NEMP2: variants seen among roughly 807,000 people sequenced by gnomAD.
NEMP2 encodes the protein nuclear envelope integral membrane protein 2.
Under a neutral mutation model 54.2 loss-of-function variants are expected in NEMP2, and 53 were observed. The ratio of observed to expected loss-of-function variants is 0.98; its 90% CI spans 0.78 to 1.23. The LOEUF (loss-of-function observed/expected upper bound fraction) is 1.23. NEMP2 is among the 50% of genes most tolerant of loss of function. NEMP2 has a pLI of 0.00. For synonymous variants in NEMP2, 197 were observed against 190.3 expected (o/e 1.04, Z -0.29); for missense variants, 455 against 511.3 (o/e 0.89, Z 1.06).
chr2:190,463,759 G>A, the NEMP2 span: 2 of 469,844 alleles, frequency 4.3e-6, no homozygotes, highest in Non-Finnish European at 5.6e-6. This position sits in a 1 kb window ranked among gnomAD's most constrained non-coding sequence, Gnocchi z 4.4. Flanking sequence ...GGTCAAGGCT[G>A]CATTGAGCTG....
At chr2:190,492,017 C>G in the NEMP2 span, among the ~76,000 whole-genome samples, 173 of 152,264 alleles carry the variant, frequency 1.1e-3, no homozygotes, top group African/African-American at 3.9e-3. The surrounding 1 kb of genome is among the most constrained non-coding windows in gnomAD (Gnocchi z 5.2). Context: ...GCAAAATGTT[C>G]TGGAAAGTCT....
At chr2:190,488,709 C>T in the NEMP2 span, 8 of 1,604,836 alleles carry the variant, frequency 5.0e-6, no homozygotes, top group African/African-American at 4.0e-5. This position sits in a 1 kb window ranked among gnomAD's most constrained non-coding sequence, Gnocchi z 6.4. Context: ...TCAGTGCAGC[C>T]GTTCCCCCTG....
At chr2:190,464,362 G>A in the NEMP2 span, among the ~76,000 whole-genome samples, 1 of 152,112 alleles carries the variant, frequency 6.6e-6, no homozygotes, top group Non-Finnish European at 1.5e-5. Context: ...GGGGTTCTCT[G>A]GTGGTGCTGC....
the NEMP2 span, among the ~76,000 whole-genome samples, chr2:190,588,639 A>G: frequency 6.6e-6 from 1 of 152,176 alleles, no homozygotes; most frequent in African/African-American, 2.4e-5. This position sits in a 1 kb window ranked among gnomAD's most constrained non-coding sequence, Gnocchi z 5.0. Context: ...GGCCAATTCA[A>G]TGTGCTGTTA....
chr2:190,589,766 C>A, the NEMP2 span, among the ~76,000 whole-genome samples: 1 of 152,188 alleles, frequency 6.6e-6, no homozygotes, highest in Non-Finnish European at 1.5e-5. The surrounding 1 kb of genome is among the most constrained non-coding windows in gnomAD (Gnocchi z 4.3). Flanking sequence ...CCAATGCTAT[C>A]CTTGAAGAAC....
At chr2:190,516,197 A>G in intron 6 of NEMP2, 73 bp downstream of exon 6, 4 of 1,019,922 alleles carry the variant, frequency 3.9e-6, no homozygotes, top group Admixed American at 5.4e-5. Context: ...AGAAACATCT[A>G]TCAAAAGAAG....
At chr2:190,545,151 TTTTCAGTTAG>T in the NEMP2 span, among the ~76,000 whole-genome samples, 1 of 152,064 alleles carries the variant, frequency 6.6e-6, no homozygotes, top group African/African-American at 2.4e-5. Context: ...AAAGATTTAT[TTTTCAGTTAG>T]TAGGTTTAGG....
the NEMP2 span, among the ~76,000 whole-genome samples, chr2:190,578,853 T>G: frequency 2.0e-5 from 3 of 152,126 alleles, no homozygotes. The surrounding 1 kb of genome is among the most constrained non-coding windows in gnomAD (Gnocchi z 4.4). Flanking sequence ...AATTGCCAGC[T>G]GCCAGCAAGT....
At chr2:190,452,463 TATGTCCATTTTAGAG>T in the NEMP2 span, among the ~76,000 whole-genome samples, 1 of 152,222 alleles carries the variant, frequency 6.6e-6, no homozygotes, top group African/African-American at 2.4e-5. Flanking sequence ...TAGGCATTGT[TATGTCCATTTTAGAG>T]ATGAGAATTG....
At chr2:190,589,356 A>G in the NEMP2 span, among the ~76,000 whole-genome samples, 5 of 152,136 alleles carry the variant, frequency 3.3e-5, no homozygotes, top group Admixed American at 1.3e-4. This position sits in a 1 kb window ranked among gnomAD's most constrained non-coding sequence, Gnocchi z 4.3. Flanking sequence ...CTGACGTGAT[A>G]TTCCTATTTT....
the NEMP2 span, among the ~76,000 whole-genome samples, chr2:190,466,665 T>C: frequency 2.0e-5 from 3 of 152,372 alleles, no homozygotes; most frequent in African/African-American, 7.2e-5. Flanking sequence ...TACATGTTTT[T>C]ATCCCCACTT....
the NEMP2 span, chr2:190,625,900 C>G: frequency 2.1e-4 from 32 of 152,136 alleles, no homozygotes; most frequent in African/African-American, 7.7e-4. Flanking sequence ...TCTAGAGACC[C>G]AAATATGTCT....
the NEMP2 span, among the ~76,000 whole-genome samples, chr2:190,470,714 T>C: frequency 2.0e-5 from 3 of 152,198 alleles, no homozygotes; most frequent in Admixed American, 6.5e-5. Flanking sequence ...GTGTAATCAA[T>C]GTGATTAATT....
chr2:190,444,856 A>T, the NEMP2 span: 1 of 817,102 alleles, frequency 1.2e-6, no homozygotes, highest in Non-Finnish European at 1.5e-6. Context: ...CCTATTTTAA[A>T]TTCCAATTAT....
At chr2:190,453,984 G>T in the NEMP2 span, 3 of 152,182 alleles carry the variant, frequency 2.0e-5, no homozygotes, top group Non-Finnish European at 2.9e-5. Context: ...GAAGATTCTT[G>T]TATCTTTTAT....
At chr2:190,605,057 C>G in the NEMP2 span, among the ~76,000 whole-genome samples, 1 of 152,158 alleles carries the variant, frequency 6.6e-6, no homozygotes, top group Non-Finnish European at 1.5e-5. Context: ...AACATAAACA[C>G]ATACATATAC....
chr2:190,448,935 A>T, the NEMP2 span, among the ~76,000 whole-genome samples: 1 of 152,292 alleles, frequency 6.6e-6, no homozygotes, highest in East Asian at 1.9e-4. Context: ...AGAAGAGCCA[A>T]ATGTGTGTAT....
the NEMP2 span, among the ~76,000 whole-genome samples, chr2:190,485,852 C>A: frequency 6.6e-6 from 1 of 151,300 alleles, no homozygotes; most frequent in Non-Finnish European, 1.5e-5. The surrounding 1 kb of genome is among the most constrained non-coding windows in gnomAD (Gnocchi z 5.1). Context: ...ATATATAAAA[C>A]CTAAGAAAGT....
the NEMP2 span, among the ~76,000 whole-genome samples, chr2:190,543,641 A>T: frequency 6.6e-6 from 1 of 152,168 alleles, no homozygotes; most frequent in Non-Finnish European, 1.5e-5. The surrounding 1 kb of genome is among the most constrained non-coding windows in gnomAD (Gnocchi z 4.7). Flanking sequence ...GAACTGTCTC[A>T]TCCTCCTATT....
Sources: allele counts gnomAD v4.1 joint callset (sites outside exome capture counted in the v4.1 genomes callset), GRCh38; gene constraint gnomAD v4.1.1; non-coding constraint Gnocchi (gnomAD v3.1); transcripts MANE v1.5; gene names NCBI Gene and HGNC (gene_info 2026-07-23, HGNC 2026-07-21).